ALPK3: variants seen among roughly 807,000 people sequenced by gnomAD.
ALPK3 encodes the protein alpha-protein kinase 3.
In ALPK3, 102 loss-of-function variants were observed where a neutral mutation model predicts 140.0. That is an observed-to-expected ratio of 0.73 (90% CI 0.62 to 0.86). ALPK3 has a LOEUF of 0.86. Ranked by LOEUF, ALPK3 falls within the 40% of genes least tolerant of loss-of-function variation. The pLI, the probability that ALPK3 is intolerant of heterozygous loss-of-function variation, is 0.00. For synonymous variants in ALPK3, 938 were observed against 898.5 expected, an observed-to-expected ratio of 1.04 and a Z score of -0.79; for missense variants, 2,254 against 2,208.2, an observed-to-expected ratio of 1.02 and a Z score of -0.42.
rs1355439274 is a variant in ALPK3 at position 84,827,505 on chromosome 15, TG to T, written c.205del (p.Ala69LeufsTer40). ...SGRSTFCSII[A>X]QLTEETQPLF... ...TTAGGAGCACCTTCTGCTCCATCAT[TG>T]CTCAGCTCACAGAGGAGACCCAGCC... On this transcript the variant is annotated frameshift_variant, in exon 3 of 14. Transcript: ENST00000258888. LOFTEE classifies it high-confidence loss of function. 24 of 1,614,076 alleles carry T rather than the reference TG, an allele frequency of 1.5e-5. No homozygotes were observed. Among genetic ancestry groups the T allele is most frequent in the Non-Finnish European group, 2.0e-5 (24 of 1,180,046 alleles).
intron 1 of ALPK3, among the ~76,000 whole-genome samples, chr15:84,820,995 T>C (rs1567085643): frequency 6.6e-6 from 1 of 151,494 alleles, no homozygotes; most frequent in Non-Finnish European, 1.5e-5. Flanking sequence ...CAACCCTTTT[T>C]TTTTCTTCTA....
At position 84,871,711 on chromosome 15, in the gene ALPK3, T is replaced by C. The variant is rs1056268739; in HGVS notation, c.*3255T>C. The C allele has an allele frequency of 3.9e-5, 6 of 152,256 alleles. No homozygotes were observed. Among genetic ancestry groups the C allele is most frequent in the Non-Finnish European group, 8.8e-5 (6 of 68,056 alleles). 9.4% of individuals were successfully genotyped at this position (152,256 alleles called of 1,614,324 possible). On this transcript the variant is annotated 3_prime_UTR_variant, in exon 14 of 14. Transcript: ENST00000258888. The stretch of plus-strand genomic sequence containing the variant: ...CGGGGTGTTGTTTCTGGTGCCATAG[T>C]TGAATTTTCAACAAACCATTTCACC...
Position 84,860,020 on chromosome 15 carries a change from T to C in ALPK3, c.4094-17T>C. On this transcript the variant is annotated splice_polypyrimidine_tract_variant and intron_variant, in intron 8 of 13. Coordinates refer to ENST00000258888, the MANE Select transcript of ALPK3 (RefSeq NM_020778.5). ...CAGCAGCCTGAAGGCACTGCTTTCTTCTTTTTCTGTATCTAGTGTTGTCAG... is the reference window on the plus strand; with the variant it reads ...CAGCAGCCTGAAGGCACTGCTTTCTCCTTTTTCTGTATCTAGTGTTGTCAG... 6.2e-7 allele frequency: 1 copy of C among 1,614,104 alleles called. No homozygotes were observed. Among genetic ancestry groups the C allele is most frequent in the East Asian group, 2.2e-5 (1 of 44,878 alleles).
intron 3 of ALPK3, among the ~76,000 whole-genome samples, chr15:84,834,434 A>G (rs1003762212): frequency 3.3e-5 from 5 of 152,194 alleles, no homozygotes; most frequent in African/African-American, 4.8e-5. Context: ...AGCAGAGTAC[A>G]TTCCTCATAG....
rs1272197016 is a variant in ALPK3 at position 84,871,039 on chromosome 15, C to T, written c.*2583C>T. On this transcript the variant is annotated 3_prime_UTR_variant, in exon 14 of 14. Coordinates refer to ENST00000258888, the MANE Select transcript of ALPK3 (RefSeq NM_020778.5). ...GTCATTAGGGATAATCTCCCTCTTT[C>T]AGTTTTATCACAATTCCATTTTGAA... is the stretch of plus-strand genomic sequence containing the variant. 1 of 152,638 alleles carries T rather than the reference C, an allele frequency of 6.6e-6. No individual in the cohort carries two copies. 9.5% of individuals were successfully genotyped at this position (152,638 alleles called of 1,614,324 possible). A position where few individuals can be genotyped will look rare whatever the true frequency, so the allele number is the denominator to read the frequency against.
intron 1 of ALPK3, among the ~76,000 whole-genome samples, chr15:84,820,137 AT>A (rs376676815): frequency 5.1e-4 from 77 of 150,764 alleles, no homozygotes; most frequent in African/African-American, 1.6e-3. Context: ...AGCAGTTTTG[AT>A]TTTTTTTTTG....
chr15:84,864,703 T>C (rs764786779), intron 12 of ALPK3, 38 bp downstream of exon 12: 2 of 1,587,878 alleles, frequency 1.3e-6, no homozygotes, highest in Admixed American at 3.4e-5. Flanking sequence ...CGCATGTGCA[T>C]GGATGTGAAA....
chr15:84,846,135 A>T (rs1354854760), intron 5 of ALPK3, among the ~76,000 whole-genome samples: 2 of 152,196 alleles, frequency 1.3e-5, no homozygotes, highest in African/African-American at 4.8e-5. Flanking sequence ...TGGAACCGAG[A>T]TTGAAACTAT....
intron 11 of ALPK3, 31 bp from the exon 12 acceptor site, chr15:84,864,411 C>T (rs745395324): frequency 1.3e-6 from 2 of 1,598,520 alleles, no homozygotes; most frequent in East Asian, 4.5e-5. Context: ...GGCCATACTT[C>T]CTGCTTACTG....
At chr15:84,847,605 A>G (rs1251872469) in intron 5 of ALPK3, among the ~76,000 whole-genome samples, 1 of 152,262 alleles carries the variant, frequency 6.6e-6, no homozygotes, top group Non-Finnish European at 1.5e-5. Flanking sequence ...ATGGAGGCCA[A>G]AAGGAAGTGG....
At chr15:84,823,413 G>C in intron 2 of ALPK3, 45 bp downstream of exon 2, 2 of 1,610,656 alleles carry the variant, frequency 1.2e-6, no homozygotes, top group Non-Finnish European at 8.5e-7. Flanking sequence ...TTTTTCCTTG[G>C]GTCTGGGCAT....
intron 5 of ALPK3, among the ~76,000 whole-genome samples, chr15:84,850,879 T>TATATACACACAC (rs144798232): frequency 0.019 from 2,694 of 142,424 alleles, 37 homozygotes; most frequent in Admixed American, 0.042. Flanking sequence ...GTTCCAGATA[T>TATATACACACAC]ACACACACAC....
At chr15:84,839,594 C>G in intron 4 of ALPK3, 108 bp from the exon 5 acceptor site, 2 of 1,233,366 alleles carry the variant, frequency 1.6e-6, no homozygotes, top group East Asian at 4.7e-5. Flanking sequence ...GCAGGGCTTG[C>G]TGTAGGGAGG....
At chr15:84,855,014 C>G (rs1173541728) in intron 5 of ALPK3, among the ~76,000 whole-genome samples, 2 of 152,208 alleles carry the variant, frequency 1.3e-5, no homozygotes, top group Non-Finnish European at 2.9e-5. Flanking sequence ...AACAATATTC[C>G]TTTAGTCTTT....
chr15:84,817,620 G>A (rs1943630965), intron 1 of ALPK3, 25 bp downstream of exon 1: 7 of 1,477,820 alleles, frequency 4.7e-6, no homozygotes, highest in African/African-American at 1.5e-5. Context: ...GGGGCAGGGC[G>A]GCGTCGGGCC....
chr15:84,817,612 G>A lies in ALPK3; in HGVS notation c.143+17G>A. On this transcript the variant is annotated intron_variant, in intron 1 of 13. Transcript: ENST00000258888. ...CGAGACCAGGTAAGTGGCACCAAGG[G>A]GCAGGGCGGCGTCGGGCCGGCGATG... 6.7e-7 allele frequency: 1 copy of A among 1,486,632 alleles called. No individual in the cohort carries two copies. The highest frequency in any genetic ancestry group is 8.9e-7 in the Non-Finnish European group (1 of 1,123,778). 92.1% of individuals were successfully genotyped at this position (1,486,632 alleles called of 1,614,324 possible).
In ALPK3 at chr15:84,835,373, C is replaced by A. The variant is rs181374988; in HGVS notation, c.305-3607C>A. On this transcript the variant is annotated intron_variant, in intron 3 of 13. Transcript: ENST00000258888. ...CTGCTCCCTGCTCCTGTACACAGTT[C>A]CCCAGCATGCCCTTTGCTTGTCACC... is the stretch of plus-strand genomic sequence containing the variant. Among the ~76,000 whole-genome samples, 15 of 152,268 alleles carry A rather than the reference C, an allele frequency of 9.9e-5. No individual in the cohort carries two copies. The East Asian group carries it at 1.9e-3, about 20-fold the overall frequency.
At chr15:84,828,506 G>A (rs1444417165) in intron 3 of ALPK3, among the ~76,000 whole-genome samples, 1 of 152,148 alleles carries the variant, frequency 6.6e-6, no homozygotes, top group Non-Finnish European at 1.5e-5. Context: ...GCTCCCTCTG[G>A]AGAGCCTGTT....
Position 84,853,375 on chromosome 15 carries a change from G to A in ALPK3, c.1654-3017G>A, listed in dbSNP as rs550594708. On this transcript the variant is annotated intron_variant, in intron 5 of 13. Coordinates refer to ENST00000258888, the MANE Select transcript of ALPK3 (RefSeq NM_020778.5). Reference sequence around the variant, plus strand: ...TGCCTATAATTCCAGCACTTCTGGAGGCCGAGGTGGGTAGATCATTTGAGG... The same window carrying A: ...TGCCTATAATTCCAGCACTTCTGGAAGCCGAGGTGGGTAGATCATTTGAGG... 3.9e-5 allele frequency among the ~76,000 whole-genome samples: 6 copies of A among 152,308 alleles called. No homozygotes were observed. In the East Asian group the frequency reaches 1.2e-3, roughly 29 times the overall value.
Sources: gnomAD v4.1 joint callset for allele counts (sites outside exome capture counted in the v4.1 genomes callset) on GRCh38, gnomAD v4.1.1 for gene constraint, MANE v1.5 for transcripts, NCBI Gene and HGNC (gene_info 2026-07-23, HGNC 2026-07-21) for gene names.